The following GABRA4 variants were observed in gnomAD, a reference collection of about 807,000 sequenced individuals.
GABRA4 encodes gamma-aminobutyric acid receptor subunit alpha-4.
Under a neutral mutation model 49.7 loss-of-function variants are expected in GABRA4, and 12 were observed. The ratio of observed to expected loss-of-function variants is 0.24; its 90% CI spans 0.15 to 0.39. GABRA4 has a LOEUF of 0.39. Ranked by LOEUF, GABRA4 falls within the 10% of genes least tolerant of loss-of-function variation. The probability of loss-of-function intolerance (pLI) is 1.00; values close to 1 mark genes in which losing one functional copy is unlikely to be tolerated. For synonymous variants in GABRA4, 288 were observed against 240.2 expected (o/e 1.20, Z -1.84); for missense variants, 506 against 686.0 (o/e 0.74, Z 2.93).
intron 8 of GABRA4, among the ~76,000 whole-genome samples, chr4:46,959,475 T>A (rs946307139): frequency 6.6e-5 from 10 of 151,898 alleles, no homozygotes; most frequent in Non-Finnish European, 1.0e-4. Flanking sequence ...AAATTTGATC[T>A]TCTTGACCTT....
At chr4:46,948,892 C>T (rs994881220) in intron 8 of GABRA4, among the ~76,000 whole-genome samples, 1 of 152,006 alleles carries the variant, frequency 6.6e-6, no homozygotes, top group Admixed American at 6.6e-5. Context: ...TGATTTTATC[C>T]TACTTGCTTC....
At chr4:46,965,967 A>G (rs559022216) in intron 7 of GABRA4, among the ~76,000 whole-genome samples, 4 of 148,642 alleles carry the variant, frequency 2.7e-5, no homozygotes, top group African/African-American at 9.7e-5. Flanking sequence ...TATTTGCAAA[A>G]GGAACAGAAG....
At chr4:46,984,464 A>G (rs938785256) in intron 2 of GABRA4, among the ~76,000 whole-genome samples, 2 of 152,064 alleles carry the variant, frequency 1.3e-5, no homozygotes, top group African/African-American at 4.8e-5. Flanking sequence ...AGAAAACACT[A>G]TAAAGTTCTG....
chr4:46,928,342 A>G lies in GABRA4; in HGVS notation c.1548T>C (p.Ser516=). The G allele has an allele frequency of 6.2e-7, 1 of 1,613,618 alleles. No homozygotes were observed. Residue 516 remains serine (S), a synonymous_variant, in exon 9 of 9, where the codon AGT becomes AGC. Coordinates refer to ENST00000264318, the MANE Select transcript of GABRA4 (RefSeq NM_000809.4). ...GAATACGGGCATATTTGTCTATTTT[A>G]CTTGTGCCAGATCCAGAAGGTGGTG... ...SAPPPSGSGT[S]KIDKYARILF...
intron 2 of GABRA4, among the ~76,000 whole-genome samples, chr4:46,981,947 G>A (rs1723371786): frequency 1.3e-5 from 2 of 152,086 alleles, no homozygotes; most frequent in Admixed American, 6.6e-5. Context: ...TGTATTCAGG[G>A]ACTAGAAAGG....
At chr4:46,959,493 C>T (rs1722488186) in intron 8 of GABRA4, among the ~76,000 whole-genome samples, 1 of 151,956 alleles carries the variant, frequency 6.6e-6, no homozygotes, top group East Asian at 1.9e-4. Context: ...CTTGGATGTG[C>T]CATTTGCACA....
intron 2 of GABRA4, 67 bp from the exon 3 acceptor site, chr4:46,979,165 T>C (rs1348526511): frequency 2.1e-6 from 2 of 956,506 alleles, no homozygotes; most frequent in East Asian, 2.4e-5. Flanking sequence ...GAAGGTTAGA[T>C]AATTACAGAG....
rs560852407 is a variant in GABRA4, at chr4:46,954,278, C to T, written c.1134+10692G>A. Among the ~76,000 whole-genome samples the T allele has an allele frequency of 6.6e-5, 10 of 152,094 alleles. No individual in the cohort carries two copies. The South Asian group carries it at 1.5e-3, about 22-fold the overall frequency. ...CTAAAGTAAGCACTTGTTAAAGAGC[C>T]GGGCACAGTGGCTCATTCCTGTAAT... On this transcript the variant is annotated intron_variant, in intron 8 of 8. Transcript: ENST00000264318.
In GABRA4 at chr4:46,920,550, A is replaced by G. The variant is rs538355368; in HGVS notation, c.*7675T>C. On this transcript the variant is annotated 3_prime_UTR_variant, in exon 9 of 9. Transcript: ENST00000264318. Reference sequence around the variant, plus strand: ...TTGCACTTCACATGATGATATTCATATATGATCTGCAAAATTCAAGGGAGA... The same window carrying G: ...TTGCACTTCACATGATGATATTCATGTATGATCTGCAAAATTCAAGGGAGA... 6.6e-6 allele frequency: 1 copy of G among 151,898 alleles called. No individual in the cohort carries two copies. The highest frequency in any genetic ancestry group is 2.4e-5 in the African/African-American group (1 of 41,556). 9.4% of individuals were successfully genotyped at this position (151,898 alleles called of 1,614,324 possible).
At chr4:46,952,593 G>A (rs569535971) in intron 8 of GABRA4, among the ~76,000 whole-genome samples, 5 of 152,060 alleles carry the variant, frequency 3.3e-5, no homozygotes, top group South Asian at 2.1e-4. Flanking sequence ...GAGATTTAGC[G>A]ATGTATATTA....
Position 46,987,526 on chromosome 4 carries a change from T to C in GABRA4, c.205+5302A>G, listed in dbSNP as rs201869392. Among the ~76,000 whole-genome samples, 27 of 152,240 alleles carry C rather than the reference T, an allele frequency of 1.8e-4. No individual in the cohort carries two copies. In the East Asian group the frequency reaches 5.2e-3, roughly 29 times the overall value. On this transcript the variant is annotated intron_variant, in intron 2 of 8. Coordinates refer to ENST00000264318, the MANE Select transcript of GABRA4 (RefSeq NM_000809.4). ...GAAATCGTGCAGTCCTCCCCAGCTT[T>C]AAATAACACCAACCTTGCCCAATTT...
Position 46,928,620 on chromosome 4 carries a change from T to C in GABRA4, c.1270A>G (p.Thr424Ala). 3 of 1,613,700 alleles carry C rather than the reference T, an allele frequency of 1.9e-6. No individual in the cohort carries two copies. In the South Asian group the frequency reaches 3.3e-5, roughly 18 times the overall value. The change falls in exon 9 of 9, where the codon ACA becomes GCA. Residue 424 changes from threonine (T) to alanine (A), a missense_variant. Transcript: ENST00000264318. ...STVVQESSKG[T>A]PRSYLASSPN... ...CTGGAAGCTAAGTAAGACCGAGGTGTGCCTTTAGAAGATTCTTGAACAACT... is the reference window on the plus strand; with the variant it reads ...CTGGAAGCTAAGTAAGACCGAGGTGCGCCTTTAGAAGATTCTTGAACAACT...
intron 8 of GABRA4, among the ~76,000 whole-genome samples, chr4:46,930,590 G>A (rs1721392627): frequency 6.6e-6 from 1 of 151,502 alleles, no homozygotes; most frequent in South Asian, 2.1e-4. Context: ...AAGAAGAGAA[G>A]AAAAGAGAGT....
rs1232898543 is a variant in GABRA4 at position 46,919,462 on chromosome 4, C to A, written c.*8763G>T. On this transcript the variant is annotated 3_prime_UTR_variant, in exon 9 of 9. Transcript: ENST00000264318. Reference sequence around the variant, plus strand: ...GTAATTTTCCCATAAAATCAAAACACCTCTATCTCCTATCAAACCTTGAAC... The same window carrying A: ...GTAATTTTCCCATAAAATCAAAACAACTCTATCTCCTATCAAACCTTGAAC... 6.6e-6 allele frequency: 1 copy of A among 151,392 alleles called. No homozygotes were observed. Among genetic ancestry groups the A allele is most frequent in the African/African-American group, 2.4e-5 (1 of 41,368 alleles). 9.4% of individuals were successfully genotyped at this position (151,392 alleles called of 1,614,324 possible).
At chr4:46,962,880 G>C (rs1222719936) in intron 8 of GABRA4, among the ~76,000 whole-genome samples, 1 of 151,818 alleles carries the variant, frequency 6.6e-6, no homozygotes, top group Non-Finnish European at 1.5e-5. Context: ...TCAATAAATG[G>C]TGCTGGGAAA....
chr4:46,991,622 C>T (rs1723746480), intron 2 of GABRA4, among the ~76,000 whole-genome samples: 1 of 152,188 alleles, frequency 6.6e-6, no homozygotes, highest in Admixed American at 6.5e-5. Context: ...CATCACACAG[C>T]ATCTGATACC....
intron 1 of GABRA4, among the ~76,000 whole-genome samples, 192 bp downstream of exon 1, chr4:46,993,147 C>T (rs1723836103): frequency 1.3e-5 from 2 of 152,212 alleles, no homozygotes. Context: ...GCCCACACGC[C>T]TCTTGGATCC....
intron 8 of GABRA4, among the ~76,000 whole-genome samples, chr4:46,942,626 GAAAAAAA>G (rs752581585): frequency 2.7e-5 from 3 of 110,640 alleles, no homozygotes; most frequent in Non-Finnish European, 5.9e-5. Context: ...CTCTGTCTCA[GAAAAAAA>G]AAAAAAAAAA....
chr4:46,972,901 T>C (rs1723000794), intron 6 of GABRA4, among the ~76,000 whole-genome samples: 1 of 151,714 alleles, frequency 6.6e-6, no homozygotes, highest in Non-Finnish European at 1.5e-5. Context: ...CCTCACATCT[T>C]TGCTCCAGAT....
Sources: allele counts gnomAD v4.1 joint callset (sites outside exome capture counted in the v4.1 genomes callset), GRCh38; gene constraint gnomAD v4.1.1; transcripts MANE v1.5; gene names NCBI Gene and HGNC (gene_info 2026-07-23, HGNC 2026-07-21).